The following DTNA variants were observed in gnomAD, a reference collection of about 807,000 sequenced individuals.
DTNA encodes the protein dystrophin-related protein 3.
Under a neutral mutation model 100.7 loss-of-function variants are expected in DTNA, and 43 were observed. The observed-to-expected ratio is 0.43, with a 90% confidence interval of 0.33 to 0.55. The LOEUF (loss-of-function observed/expected upper bound fraction) is 0.55, where lower values mean the gene tolerates loss of function less well. Among genes scored for constraint, DTNA ranks in the 20% least tolerant of loss-of-function variants. The pLI is 0.04. For synonymous variants in DTNA, 349 were observed against 347.9 expected, an observed-to-expected ratio of 1.00 and a Z score of -0.04; for missense variants, 798 against 953.9, an observed-to-expected ratio of 0.84 and a Z score of 2.15.
intron 1 of DTNA, among the ~76,000 whole-genome samples, chr18:34,498,442 T>TATAATTATA (rs1555783602): frequency 7.0e-6 from 1 of 141,850 alleles, no homozygotes; most frequent in East Asian, 2.1e-4. Flanking sequence ...CAGAAAATAA[T>TATAATTATA]ATAATAATAA....
chr18:34,730,621 C>T (rs1464377922), intron 1 of DTNA, among the ~76,000 whole-genome samples: 1 of 152,150 alleles, frequency 6.6e-6, no homozygotes, highest in African/African-American at 2.4e-5. Context: ...ATTTGGATAA[C>T]CCAGTTGTCA....
At chr18:34,505,720 A>G (rs2040423038) in intron 1 of DTNA, among the ~76,000 whole-genome samples, 1 of 151,676 alleles carries the variant, frequency 6.6e-6, no homozygotes. Context: ...AAAGTTTTAT[A>G]TTTTTTTATT....
At chr18:34,836,045 T>C (rs1045144585) in intron 11 of DTNA, among the ~76,000 whole-genome samples, 7 of 152,226 alleles carry the variant, frequency 4.6e-5, no homozygotes, top group Admixed American at 1.3e-4. Flanking sequence ...CATCTATCTT[T>C]AGTTACAAAA....
chr18:34,589,608 C>T (rs2049485778), intron 1 of DTNA, among the ~76,000 whole-genome samples: 1 of 151,876 alleles, frequency 6.6e-6, no homozygotes, highest in Non-Finnish European at 1.5e-5. Context: ...GACTCTGTCT[C>T]AAAACAAAAC....
intron 1 of DTNA, among the ~76,000 whole-genome samples, chr18:34,739,503 C>A (rs534086372): frequency 2.6e-5 from 4 of 152,286 alleles, no homozygotes; most frequent in African/African-American, 9.6e-5. Context: ...TGCCACAGAG[C>A]AATGATTTGC....
At position 34,765,944 on chromosome 18, in the gene DTNA, CT is replaced by C; in HGVS notation, c.68-12del. On this transcript the variant is annotated splice_polypyrimidine_tract_variant and intron_variant, in intron 2 of 22. Coordinates refer to ENST00000444659, the MANE Select transcript of DTNA (RefSeq NM_001386795.1). ...GCACACATGGCATACCTTATGTGTCCTTTTTCCCCGCACTAGGGGCTCAAGA... is the reference window on the plus strand; with the variant it reads ...GCACACATGGCATACCTTATGTGTCCTTTTCCCCGCACTAGGGGCTCAAGA... 1 of 1,613,168 alleles carries C rather than the reference CT, an allele frequency of 6.2e-7. No homozygotes were observed.
At chr18:34,787,609 T>A (rs1261788387) in intron 3 of DTNA, among the ~76,000 whole-genome samples, 1 of 152,206 alleles carries the variant, frequency 6.6e-6, no homozygotes, top group Non-Finnish European at 1.5e-5. Context: ...TTAGCACTTT[T>A]CCTACGGATG....
In DTNA at chr18:34,888,151, C is replaced by T; in HGVS notation, c.*417C>T. On this transcript the variant is annotated 3_prime_UTR_variant, in exon 23 of 23. Transcript: ENST00000444659. ...TATTAACAAGCATTTTAAACCTTTG[C>T]ACATGATATTGAACCTGTTCAGTTT... The T allele has an allele frequency of 2.0e-6, 2 of 985,834 alleles. No homozygotes were observed. The highest frequency in any genetic ancestry group is 2.4e-6 in the Non-Finnish European group (2 of 829,926). 61.1% of individuals were successfully genotyped at this position (985,834 alleles called of 1,614,324 possible).
In DTNA at chr18:34,626,079, G is replaced by A. The variant is rs902573639; in HGVS notation, c.-1-129897G>A. On this transcript the variant is annotated intron_variant, in intron 1 of 19. Transcript: ENST00000283365. ...CACGTGAAAGCAACTAGAAAGATTAGGCTTGTGATTATTGCTTTTTTCAGG... is the reference window on the plus strand; with the variant it reads ...CACGTGAAAGCAACTAGAAAGATTAAGCTTGTGATTATTGCTTTTTTCAGG... 2.6e-5 allele frequency among the ~76,000 whole-genome samples: 4 copies of A among 152,140 alleles called. No individual in the cohort carries two copies. The South Asian group carries it at 6.2e-4, about 24-fold the overall frequency.
chr18:34,825,411 CA>C (rs2095838079), intron 9 of DTNA: 2 of 1,067,990 alleles, frequency 1.9e-6, no homozygotes, highest in African/African-American at 3.1e-5. Flanking sequence ...ACTCAGTTCA[CA>C]AGGATGCCAC....
At chr18:34,548,630 C>T (rs2045062716) in intron 1 of DTNA, among the ~76,000 whole-genome samples, 1 of 152,010 alleles carries the variant, frequency 6.6e-6, no homozygotes, top group Non-Finnish European at 1.5e-5. Flanking sequence ...CCCTCCTTCC[C>T]TGACACTAAG....
intron 1 of DTNA, among the ~76,000 whole-genome samples, chr18:34,525,974 T>G (rs1367097814): frequency 6.6e-6 from 1 of 152,196 alleles, no homozygotes; most frequent in African/African-American, 2.4e-5. Context: ...GTAGTTTACT[T>G]AGTGTCCTAG....
chr18:34,805,833 T>C (rs1029688541), intron 4 of DTNA, among the ~76,000 whole-genome samples: 6 of 152,046 alleles, frequency 3.9e-5, no homozygotes, highest in African/African-American at 1.4e-4. Flanking sequence ...AAGTAAATTA[T>C]AGAGATTCTG....
chr18:34,538,790 T>C (rs2043968707), intron 1 of DTNA, among the ~76,000 whole-genome samples: 1 of 151,928 alleles, frequency 6.6e-6, no homozygotes, highest in African/African-American at 2.4e-5. Context: ...CATAAATCAA[T>C]TTAAGCATCA....
intron 3 of DTNA, among the ~76,000 whole-genome samples, chr18:34,774,563 C>T (rs2093949418): frequency 6.6e-6 from 1 of 152,178 alleles, no homozygotes; most frequent in African/African-American, 2.4e-5. Context: ...TTACTGCATG[C>T]CAAGCATTAT....
At chr18:34,502,258 C>A (rs1342884112) in intron 1 of DTNA, among the ~76,000 whole-genome samples, 3 of 152,152 alleles carry the variant, frequency 2.0e-5, no homozygotes, top group Non-Finnish European at 4.4e-5. Context: ...TGTCTTCTCT[C>A]TTTTCTGTCA....
chr18:34,558,648 A>G (rs887078067), intron 1 of DTNA, among the ~76,000 whole-genome samples: 10 of 152,308 alleles, frequency 6.6e-5, no homozygotes, highest in African/African-American at 2.4e-4. Flanking sequence ...GGCTGGGAAT[A>G]GGAAAGTGAA....
At chr18:34,658,820 G>A (rs977272217) in intron 1 of DTNA, among the ~76,000 whole-genome samples, 1 of 152,180 alleles carries the variant, frequency 6.6e-6, no homozygotes, top group African/African-American at 2.4e-5. Context: ...TCTTTTATGA[G>A]AGTGTCATTT....
At chr18:34,731,629 T>C (rs1471598658) in intron 1 of DTNA, among the ~76,000 whole-genome samples, 1 of 152,260 alleles carries the variant, frequency 6.6e-6, no homozygotes. Flanking sequence ...GCAGTAACTG[T>C]ACTTCTTTGA....
Sources: allele counts gnomAD v4.1 joint callset (sites outside exome capture counted in the v4.1 genomes callset), GRCh38; gene constraint gnomAD v4.1.1; transcripts MANE v1.5; gene names NCBI Gene and HGNC (gene_info 2026-07-23, HGNC 2026-07-21).